Variants in TMOD3 observed in about 807,000 individuals in gnomAD.
TMOD3 encodes tropomodulin 3, also known as tropomodulin-3.
TMOD3 carries 20 observed loss-of-function variants against 39.2 expected under a neutral mutation model. That is an observed-to-expected ratio of 0.51 (90% CI 0.36 to 0.74). The LOEUF (loss-of-function observed/expected upper bound fraction) is 0.74. Among genes scored for constraint, TMOD3 ranks in the 30% least tolerant of loss-of-function variants. The pLI is 0.00. For missense variants in TMOD3, 381 were observed against 412.8 expected, an observed-to-expected ratio of 0.92 and a Z score of 0.67; for synonymous variants, 143 against 145.8, an observed-to-expected ratio of 0.98 and a Z score of 0.14.
At chr15:51,846,458 G>T (rs1439212613) in intron 1 of TMOD3, among the ~76,000 whole-genome samples, 1 of 152,194 alleles carries the variant, frequency 6.6e-6, no homozygotes, top group Non-Finnish European at 1.5e-5. Flanking sequence ...ATTTCTTTTA[G>T]ACCTGGCCTA....
intron 3 of TMOD3, among the ~76,000 whole-genome samples, chr15:51,887,008 C>A (rs2056568052): frequency 6.6e-6 from 1 of 151,954 alleles, no homozygotes; most frequent in African/African-American, 2.4e-5. Flanking sequence ...CACCTTAGGT[C>A]AGTAGTTTGA....
At chr15:51,851,961 T>G (rs916233490) in intron 1 of TMOD3, among the ~76,000 whole-genome samples, 3 of 152,236 alleles carry the variant, frequency 2.0e-5, no homozygotes, top group Non-Finnish European at 4.4e-5. Context: ...ACAGTCCTTC[T>G]GAACCATTTC....
chr15:51,894,597 C>T (rs2056611794), intron 6 of TMOD3, among the ~76,000 whole-genome samples: 1 of 152,148 alleles, frequency 6.6e-6, no homozygotes, highest in Admixed American at 6.5e-5. Flanking sequence ...AGCTCTAGCC[C>T]CTGACAACCA....
At chr15:51,907,253 G>A (rs1192941301) in intron 9 of TMOD3, 1 of 152,116 alleles carries the variant, frequency 6.6e-6, no homozygotes, top group East Asian at 1.9e-4. Context: ...GAGAAGATGA[G>A]CATGGCCCCT....
intron 3 of TMOD3, among the ~76,000 whole-genome samples, chr15:51,883,684 A>C (rs1224900040): frequency 1.3e-5 from 2 of 152,206 alleles, no homozygotes; most frequent in East Asian, 3.8e-4. Context: ...AGCTTTAAAA[A>C]ATTCAGCTGC....
intron 7 of TMOD3, among the ~76,000 whole-genome samples, chr15:51,898,778 A>G (rs186305692): frequency 6.6e-6 from 1 of 152,202 alleles, no homozygotes; most frequent in East Asian, 1.9e-4. Context: ...TGTTTTATAT[A>G]AACTCATGAT....
At chr15:51,883,428 T>C (rs1262964633) in intron 3 of TMOD3, among the ~76,000 whole-genome samples, 2 of 152,178 alleles carry the variant, frequency 1.3e-5, no homozygotes, top group African/African-American at 2.4e-5. Flanking sequence ...AAATAAGACA[T>C]GGGCAGCTAT....
At chr15:51,874,472 A>G (rs1258290960) in intron 3 of TMOD3, among the ~76,000 whole-genome samples, 1 of 152,260 alleles carries the variant, frequency 6.6e-6, no homozygotes, top group Non-Finnish European at 1.5e-5. Flanking sequence ...TAACTGAGAC[A>G]TAGGCCAGCA....
At chr15:51,899,086 C>G (rs2056636040) in intron 7 of TMOD3, 1 of 152,208 alleles carries the variant, frequency 6.6e-6, no homozygotes, top group African/African-American at 2.4e-5. Context: ...TTCTGGTTAT[C>G]TGTGTTCTTT....
chr15:51,896,352 T>A, intron 6 of TMOD3, 67 bp from the exon 7 acceptor site: 2 of 1,159,360 alleles, frequency 1.7e-6, no homozygotes, highest in Non-Finnish European at 2.5e-6. Context: ...ACCATATATT[T>A]GATTAATGGA....
intron 1 of TMOD3, among the ~76,000 whole-genome samples, chr15:51,854,081 G>T (rs150784547): frequency 2.0e-5 from 3 of 152,306 alleles, no homozygotes; most frequent in Admixed American, 6.5e-5. Context: ...AGGAAAACTA[G>T]CTAGTAAGGA....
intron 1 of TMOD3, chr15:51,860,757 G>A (rs946359680): frequency 8.3e-5 from 31 of 371,472 alleles, no homozygotes; most frequent in African/African-American, 5.5e-4. Context: ...CCAACAAGGT[G>A]AAACCCCGTC....
chr15:51,864,303 T>C (rs1462249677), intron 2 of TMOD3, among the ~76,000 whole-genome samples: 1 of 151,282 alleles, frequency 6.6e-6, no homozygotes. Context: ...GCATAAGACT[T>C]TATCTAGTCC....
At position 51,908,955 on chromosome 15, in the gene TMOD3, A is replaced by G. The variant is rs536794146; in HGVS notation, c.*145A>G. 1.3e-4 allele frequency: 59 copies of G among 469,350 alleles called. No individual in the cohort carries two copies. Among genetic ancestry groups the G allele is most frequent in the African/African-American group, 1.2e-3 (58 of 49,834 alleles). 29.1% of individuals were successfully genotyped at this position (469,350 alleles called of 1,614,324 possible). ...TGCATTTTTTTTTTAGTTGTTATCA[A>G]ATTGTAAAATCAGTAATGTGATATT... is the stretch of plus-strand genomic sequence containing the variant. On this transcript the variant is annotated 3_prime_UTR_variant, in exon 10 of 10. Transcript: ENST00000308580.
chr15:51,866,523 G>GA (rs984668340), intron 2 of TMOD3, among the ~76,000 whole-genome samples: 1 of 151,616 alleles, frequency 6.6e-6, no homozygotes, highest in East Asian at 1.9e-4. Flanking sequence ...AAGAAAGAAA[G>GA]AAAAAAAAGG....
intron 1 of TMOD3, among the ~76,000 whole-genome samples, chr15:51,832,360 A>G (rs1475054871): frequency 6.6e-6 from 1 of 151,264 alleles, no homozygotes; most frequent in Non-Finnish European, 1.5e-5. Flanking sequence ...CAGGAGAGAT[A>G]TTTTCCAGTT....
At chr15:51,890,891 G>T (rs2056589610) in intron 5 of TMOD3, among the ~76,000 whole-genome samples, 1 of 152,052 alleles carries the variant, frequency 6.6e-6, no homozygotes. Flanking sequence ...TTTAACATTT[G>T]CCAGCCTTGT....
chr15:51,907,673 C>T (rs1027907643), intron 9 of TMOD3, among the ~76,000 whole-genome samples: 4 of 152,208 alleles, frequency 2.6e-5, no homozygotes, highest in Non-Finnish European at 5.9e-5. Flanking sequence ...AACTCTGGAA[C>T]CTGTGGTTTT....
At chr15:51,890,593 A>T (rs1164270338) in intron 5 of TMOD3, among the ~76,000 whole-genome samples, 1 of 152,140 alleles carries the variant, frequency 6.6e-6, no homozygotes. Flanking sequence ...TTTAATTTGC[A>T]TGTGAGAAAG....
Sources: gnomAD v4.1 joint callset for allele counts (sites outside exome capture counted in the v4.1 genomes callset) on GRCh38, gnomAD v4.1.1 for gene constraint, MANE v1.5 for transcripts, NCBI Gene and HGNC (gene_info 2026-07-23, HGNC 2026-07-21) for gene names.